The following RYR2 variants were observed in gnomAD, a reference collection of about 807,000 sequenced individuals.
RYR2 encodes the protein cardiac muscle ryanodine receptor-calcium release channel.
A neutral mutation model predicts 601.1 loss-of-function variants in RYR2; 227 were observed. The ratio of observed to expected loss-of-function variants is 0.38; its 90% CI spans 0.34 to 0.42. The LOEUF (loss-of-function observed/expected upper bound fraction) is 0.42, where lower values mean the gene tolerates loss of function less well. Among genes scored for constraint, RYR2 ranks in the 10% least tolerant of loss-of-function variants. The pLI is 1.00. For missense variants in RYR2, 4,646 were observed against 6,156.5 expected, an observed-to-expected ratio of 0.75 and a Z score of 8.21; for synonymous variants, 2,223 against 2,175.1, an observed-to-expected ratio of 1.02 and a Z score of -0.61.
rs185371804 is a variant in RYR2, at chr1:237,606,464, C to T, written c.4684-4298C>T. 4.8e-3 allele frequency among the ~76,000 whole-genome samples: 732 copies of T among 152,252 alleles called. 2 individuals are homozygous for T. The highest frequency in any genetic ancestry group is 0.034 in the Middle Eastern group (10 of 294). On this transcript the variant is annotated intron_variant, in intron 35 of 104. Transcript: ENST00000366574. ...ATGTTCGACCTAAAACCATAAAAAC[C>T]CTAGAAGAAAACCTAGGCAATACCA...
rs185586153 is a variant in RYR2, at chr1:237,341,844, G to A, written c.273+10862G>A. Among the ~76,000 whole-genome samples the A allele has an allele frequency of 3.3e-5, 5 of 152,246 alleles. No homozygotes were observed. In the South Asian group the frequency reaches 6.2e-4, roughly 19 times the overall value. ...TGGGAGAAAAGGAATGTTTTTGAAA[G>A]GAAAAGTCAGAAAATAACCTTTTGG... On this transcript the variant is annotated intron_variant, in intron 3 of 104. Transcript: ENST00000366574.
intron 2 of RYR2, among the ~76,000 whole-genome samples, chr1:237,316,817 G>A (rs549350622): frequency 1.1e-4 from 17 of 152,152 alleles, no homozygotes; most frequent in African/African-American, 4.1e-4. Context: ...ATTATTATAA[G>A]AGACAGAGGT....
intron 17 of RYR2, among the ~76,000 whole-genome samples, chr1:237,478,535 T>C (rs1448802140): frequency 6.6e-6 from 1 of 152,228 alleles, no homozygotes; most frequent in Non-Finnish European, 1.5e-5. Context: ...GGTTTTCCCA[T>C]GTTCACACTG....
intron 54 of RYR2, among the ~76,000 whole-genome samples, chr1:237,658,415 T>C (rs1028786391): frequency 6.6e-6 from 1 of 152,144 alleles, no homozygotes; most frequent in African/African-American, 2.4e-5. Flanking sequence ...GTTTATTTTT[T>C]GAGTCCTGCT....
intron 24 of RYR2, among the ~76,000 whole-genome samples, chr1:237,520,316 C>A (rs1666966345): frequency 6.6e-6 from 1 of 152,110 alleles, no homozygotes; most frequent in East Asian, 1.9e-4. Flanking sequence ...TGCCTAATTT[C>A]TCTCACTAGG....
chr1:237,751,489 T>C (rs374099449), intron 80 of RYR2, among the ~76,000 whole-genome samples: 5 of 152,372 alleles, frequency 3.3e-5, no homozygotes, highest in African/African-American at 1.2e-4. Context: ...TAGAAAATTA[T>C]TTCAACTTAG....
intron 1 of RYR2, among the ~76,000 whole-genome samples, chr1:237,132,839 G>A (rs1672304863): frequency 2.0e-5 from 3 of 152,218 alleles, no homozygotes; most frequent in African/African-American, 7.2e-5. Flanking sequence ...GTTAAGGAGA[G>A]AAGAAACCTG....
At chr1:237,403,141 G>C (rs1232482254) in intron 10 of RYR2, among the ~76,000 whole-genome samples, 2 of 152,124 alleles carry the variant, frequency 1.3e-5, no homozygotes, top group Non-Finnish European at 2.9e-5. Flanking sequence ...TTGCTTGAAA[G>C]TTCTCCAAAA....
chr1:237,754,166 TTC>T (rs1479314827), intron 80 of RYR2, among the ~76,000 whole-genome samples: 2 of 152,002 alleles, frequency 1.3e-5, no homozygotes, highest in Non-Finnish European at 2.9e-5. Flanking sequence ...TTTTTTTTTT[TTC>T]AAATGACTTT....
At position 237,565,131 on chromosome 1, in the gene RYR2, C is replaced by CTT. The variant is rs1443051424; in HGVS notation, c.3215-1434_3215-1433dup. Among the ~76,000 whole-genome samples the CTT allele has an allele frequency of 1.1e-3, 131 of 123,618 alleles. 8 individuals are homozygous for CTT. The highest frequency in any genetic ancestry group is 4.1e-3 in the Middle Eastern group (1 of 246). The allele number at this position is 123,618 out of a possible 152,430, so 81.1% of individuals were successfully genotyped here. On this transcript the variant is annotated intron_variant, in intron 27 of 104. Transcript: ENST00000366574. ...TTTCTTTCTTTTTCTTTCTTTCTTT[C>CTT]TTTCTTTCTTTTTCTTTCTTTCTTT...
intron 1 of RYR2, among the ~76,000 whole-genome samples, chr1:237,068,374 G>A (rs990863901): frequency 6.6e-6 from 1 of 152,108 alleles, no homozygotes; most frequent in Admixed American, 6.5e-5. Context: ...CTAATGAAAT[G>A]TTCTTATGTT....
At chr1:237,545,656 C>A (rs563921422) in intron 25 of RYR2, among the ~76,000 whole-genome samples, 1 of 152,042 alleles carries the variant, frequency 6.6e-6, no homozygotes, top group Non-Finnish European at 1.5e-5. Flanking sequence ...TACCCTGAGG[C>A]TGCCTCCAGC....
intron 37 of RYR2, 91 bp from the exon 38 acceptor site, chr1:237,617,195 C>A: frequency 8.6e-7 from 1 of 1,159,526 alleles, no homozygotes; most frequent in Non-Finnish European, 1.2e-6. Flanking sequence ...GAAGAGTAGG[C>A]AACTAAGGAT....
chr1:237,662,584 C>G (rs1683909466), intron 56 of RYR2, among the ~76,000 whole-genome samples: 1 of 151,936 alleles, frequency 6.6e-6, no homozygotes, highest in South Asian at 2.1e-4. Context: ...GGTAGATTCT[C>G]CCACTGCCCT....
intron 2 of RYR2, among the ~76,000 whole-genome samples, chr1:237,301,205 GA>G (rs954037347): frequency 2.6e-5 from 4 of 151,544 alleles, no homozygotes; most frequent in Non-Finnish European, 5.9e-5. Context: ...CTTAGAGACT[GA>G]AAAAAAACTC....
At chr1:237,733,631 T>A (rs982525134) in intron 78 of RYR2, 74 bp from the exon 79 acceptor site, 1 of 925,716 alleles carries the variant, frequency 1.1e-6, no homozygotes, top group Non-Finnish European at 1.8e-6. Flanking sequence ...AAGGTTATTT[T>A]AAGCAGCGAT....
chr1:237,568,048 C>T (rs968517494), intron 28 of RYR2, among the ~76,000 whole-genome samples: 1 of 152,058 alleles, frequency 6.6e-6, no homozygotes, highest in Non-Finnish European at 1.5e-5. Flanking sequence ...TAGGTTTATA[C>T]CTCCTGAAGA....
At chr1:237,803,469 T>A (rs946356469) in intron 98 of RYR2, among the ~76,000 whole-genome samples, 4 of 151,958 alleles carry the variant, frequency 2.6e-5, no homozygotes, top group Non-Finnish European at 4.4e-5. Context: ...CCCGGCTAAT[T>A]TTTTGTACTT....
chr1:237,183,046 AG>A (rs776058852), intron 1 of RYR2, among the ~76,000 whole-genome samples: 4 of 152,244 alleles, frequency 2.6e-5, no homozygotes, highest in Non-Finnish European at 5.9e-5. Context: ...TTTGGTGATG[AG>A]TCTCTGCTCT....
Sources: allele counts gnomAD v4.1 joint callset (sites outside exome capture counted in the v4.1 genomes callset), GRCh38; gene constraint gnomAD v4.1.1; transcripts MANE v1.5; gene names NCBI Gene and HGNC (gene_info 2026-07-23, HGNC 2026-07-21).